The following PRR5L variants were observed in gnomAD, a reference collection of about 807,000 sequenced individuals.
PRR5L encodes proline rich 5 like.
In PRR5L, 21 loss-of-function variants were observed where a neutral mutation model predicts 36.4. The observed-to-expected ratio is 0.58, with a 90% CI of 0.41 to 0.83. The LOEUF is 0.83. PRR5L is among the 40% of genes least tolerant of loss of function. The probability of loss-of-function intolerance (pLI) is 0.00; values close to 1 mark genes in which losing one functional copy is unlikely to be tolerated. For missense variants in PRR5L, 381 were observed against 473.3 expected (o/e 0.80, Z 1.81); for synonymous variants, 188 against 197.0 (o/e 0.95, Z 0.38).
At position 36,377,381 on chromosome 11, in the gene PRR5L, AT is replaced by A. The variant is rs1214525786; in HGVS notation, c.-125-23613del. 1 of 151,840 alleles carries A rather than the reference AT, an allele frequency of 6.6e-6. No homozygotes were observed. Among genetic ancestry groups the A allele is most frequent in the Non-Finnish European group, 1.5e-5 (1 of 67,968 alleles). The allele number at this position is 151,840 out of a possible 1,614,324, so 9.4% of individuals were successfully genotyped here. Reference sequence around the variant, plus strand: ...GTCCGCAGTATCCCCCTTCCGTTTTATTTCTCCCGCCTGCCTTCCTTTCGGC... The same window carrying A: ...GTCCGCAGTATCCCCCTTCCGTTTTATTCTCCCGCCTGCCTTCCTTTCGGC... On this transcript the variant is annotated intron_variant, in intron 1 of 8. Coordinates refer to ENST00000530639, the MANE Select transcript of PRR5L (RefSeq NM_001160167.2). This position sits in a 1 kb window ranked among gnomAD's most constrained non-coding sequence, Gnocchi z 5.1.
At chr11:36,460,285 C>G (rs1341029018) in intron 8 of PRR5L, among the ~76,000 whole-genome samples, 2 of 152,202 alleles carry the variant, frequency 1.3e-5, no homozygotes, top group Non-Finnish European at 2.9e-5. Context: ...AACTGCATGT[C>G]TGTCAGCCGG....
chr11:36,378,206 A>G (rs1232328620), intron 1 of PRR5L, among the ~76,000 whole-genome samples: 1 of 152,166 alleles, frequency 6.6e-6, no homozygotes, highest in African/African-American at 2.4e-5. Flanking sequence ...CAGGAGGGGA[A>G]ATGGAGCTTG....
intron 3 of PRR5L, among the ~76,000 whole-genome samples, chr11:36,407,332 T>C (rs1022218365): frequency 6.6e-6 from 1 of 151,982 alleles, no homozygotes; most frequent in Admixed American, 6.6e-5. Flanking sequence ...AAAATACAAA[T>C]AAAATGAAAA....
chr11:36,363,705 T>TA, intron 1 of PRR5L, among the ~76,000 whole-genome samples: 1 of 152,210 alleles, frequency 6.6e-6, no homozygotes, highest in East Asian at 1.9e-4. Flanking sequence ...CCCCTTTACC[T>TA]ACCAGTCTTT....
intron 5 of PRR5L, among the ~76,000 whole-genome samples, chr11:36,436,951 G>T (rs1269167776): frequency 1.3e-5 from 2 of 152,156 alleles, no homozygotes; most frequent in Non-Finnish European, 2.9e-5. Flanking sequence ...GGATGGAAAG[G>T]CATATTTGCA....
chr11:36,407,301 ATG>A, intron 3 of PRR5L, among the ~76,000 whole-genome samples: 1 of 152,266 alleles, frequency 6.6e-6, no homozygotes, highest in African/African-American at 2.4e-5. Flanking sequence ...ACCAGCTTTA[ATG>A]AAACCCCAGT....
At chr11:36,362,301 C>T (rs1433207880) in intron 1 of PRR5L, 1 of 151,996 alleles carries the variant, frequency 6.6e-6, no homozygotes, top group Non-Finnish European at 1.5e-5. Flanking sequence ...TTTTTGAGGA[C>T]CCTATTCCTT....
chr11:36,400,908 G>A (rs1046768854), intron 1 of PRR5L, 89 bp from the exon 2 acceptor site: 2 of 1,068,172 alleles, frequency 1.9e-6, no homozygotes, highest in Non-Finnish European at 2.5e-6. Flanking sequence ...TTGTTTTCGG[G>A]GTAGTTAGGC....
chr11:36,461,660 C>G (rs1859184522), intron 8 of PRR5L, among the ~76,000 whole-genome samples: 1 of 152,082 alleles, frequency 6.6e-6, no homozygotes, highest in East Asian at 1.9e-4. Flanking sequence ...TAATTAGTAT[C>G]CAGCCTTCCT....
intron 8 of PRR5L, chr11:36,455,448 T>C (rs972659514): frequency 6.5e-5 from 10 of 153,092 alleles, no homozygotes; most frequent in Admixed American, 5.9e-4. Flanking sequence ...GGGCTCCTGG[T>C]GAGTGAGGAG....
chr11:36,345,144 G>A (rs1450993559), intron 1 of PRR5L, among the ~76,000 whole-genome samples: 1 of 152,114 alleles, frequency 6.6e-6, no homozygotes, highest in Non-Finnish European at 1.5e-5. Context: ...TGATGGTTGT[G>A]TTCTGCACCC....
intron 3 of PRR5L, among the ~76,000 whole-genome samples, chr11:36,408,028 C>T (rs866392583): frequency 3.0e-4 from 46 of 152,176 alleles, no homozygotes; most frequent in African/African-American, 1.1e-3. Flanking sequence ...AGTCCCAGAA[C>T]TTTGAGAGGC....
At chr11:36,402,221 G>A (rs889250421) in intron 2 of PRR5L, among the ~76,000 whole-genome samples, 1 of 152,152 alleles carries the variant, frequency 6.6e-6, no homozygotes, top group South Asian at 2.1e-4. Context: ...TGAATTCTTT[G>A]TAGTTTGGAT....
chr11:36,349,507 G>A (rs957678927), intron 1 of PRR5L, among the ~76,000 whole-genome samples: 5 of 152,078 alleles, frequency 3.3e-5, no homozygotes, highest in Admixed American at 1.3e-4. Context: ...TCCTGGCCAA[G>A]TATCCCGCTT....
intron 8 of PRR5L, among the ~76,000 whole-genome samples, chr11:36,462,109 C>G (rs1197589751): frequency 6.6e-6 from 1 of 152,136 alleles, no homozygotes; most frequent in East Asian, 1.9e-4. Flanking sequence ...TGTTGGTGAC[C>G]ACCTAATATG....
At chr11:36,298,151 A>G (rs1012639277) in intron 1 of PRR5L, among the ~76,000 whole-genome samples, 1 of 152,104 alleles carries the variant, frequency 6.6e-6, no homozygotes, top group African/African-American at 2.4e-5. Context: ...GTGCCGTATT[A>G]GTTTGCTGGG....
chr11:36,332,792 C>T (rs570649702), intron 1 of PRR5L, among the ~76,000 whole-genome samples: 1 of 152,320 alleles, frequency 6.6e-6, no homozygotes, highest in South Asian at 2.1e-4. Context: ...ATGTGATATG[C>T]CTGCTCCCCT....
At chr11:36,451,097 A>G in intron 7 of PRR5L, 112 bp from the exon 8 acceptor site, 3 of 1,337,104 alleles carry the variant, frequency 2.2e-6, no homozygotes, top group South Asian at 1.4e-5. Context: ...GCTGCCTGCC[A>G]GCAACACAGC....
chr11:36,327,932 A>G (rs558526027), intron 1 of PRR5L, among the ~76,000 whole-genome samples: 93 of 152,290 alleles, frequency 6.1e-4, no homozygotes, highest in Admixed American at 2.9e-3. Flanking sequence ...TGCCTGTAGC[A>G]TTTTCCAAAA....
Sources: allele counts gnomAD v4.1 joint callset (sites outside exome capture counted in the v4.1 genomes callset), GRCh38; gene constraint gnomAD v4.1.1; non-coding constraint Gnocchi (gnomAD v3.1); transcripts MANE v1.5; gene names NCBI Gene and HGNC (gene_info 2026-07-23, HGNC 2026-07-21).